The following ATRNL1 variants were observed in gnomAD, a reference collection of about 807,000 sequenced individuals.
ATRNL1 encodes attractin-like protein 1.
A neutral mutation model predicts 182.7 loss-of-function variants in ATRNL1; 95 were observed. That is an observed-to-expected ratio of 0.52 (90% CI 0.44 to 0.62). The LOEUF (loss-of-function observed/expected upper bound fraction) is 0.62, where lower values mean the gene tolerates loss of function less well. Among genes scored for constraint, ATRNL1 ranks in the 20% least tolerant of loss-of-function variants. The pLI is 0.00. For missense variants in ATRNL1, 1,471 were observed against 1,679.5 expected (o/e 0.88, Z 2.17); for synonymous variants, 576 against 568.3 (o/e 1.01, Z -0.19).
At chr10:115,711,486 G>T (rs1295083265) in intron 26 of ATRNL1, among the ~76,000 whole-genome samples, 2 of 152,126 alleles carry the variant, frequency 1.3e-5, no homozygotes, top group Non-Finnish European at 1.5e-5. Flanking sequence ...TCAAAATTAG[G>T]AATGGCAAAA....
chr10:115,894,277 C>T (rs1027399854), intron 28 of ATRNL1, among the ~76,000 whole-genome samples: 11 of 152,170 alleles, frequency 7.2e-5, no homozygotes, highest in Non-Finnish European at 1.5e-4. Flanking sequence ...TGACTGCAGC[C>T]GAATTTCGGC....
At chr10:115,743,238 T>TAAA (rs67671102) in intron 27 of ATRNL1, among the ~76,000 whole-genome samples, 4,537 of 115,946 alleles carry the variant, frequency 0.039, 379 homozygotes, top group African/African-American at 0.13. Flanking sequence ...TCTCTTATAG[T>TAAA]AAAAAAAAAA....
At chr10:115,721,836 T>C (rs1555057841) in intron 26 of ATRNL1, among the ~76,000 whole-genome samples, 1 of 152,234 alleles carries the variant, frequency 6.6e-6, no homozygotes, top group East Asian at 1.9e-4. Flanking sequence ...GTTTTTCCTT[T>C]GTCTTTCCTC....
At chr10:115,427,107 G>A (rs1845940253) in intron 21 of ATRNL1, among the ~76,000 whole-genome samples, 1 of 152,144 alleles carries the variant, frequency 6.6e-6, no homozygotes, top group African/African-American at 2.4e-5. Context: ...GTGTATGAGA[G>A]TTTCAGTTCT....
chr10:115,571,412 A>G (rs781873941), intron 26 of ATRNL1, among the ~76,000 whole-genome samples: 4 of 152,166 alleles, frequency 2.6e-5, no homozygotes, highest in Admixed American at 6.5e-5. Flanking sequence ...CTATCTATTA[A>G]TACATTCTTT....
chr10:115,262,174 ATT>A (rs5788100), intron 10 of ATRNL1, among the ~76,000 whole-genome samples: 8 of 143,518 alleles, frequency 5.6e-5, no homozygotes, highest in African/African-American at 1.3e-4. Flanking sequence ...GGGGCAGTGG[ATT>A]TTTTTTTTTT....
At position 115,596,692 on chromosome 10, in the gene ATRNL1, G is replaced by A. The variant is rs7918100; in HGVS notation, c.3795+47156G>A. Reference sequence around the variant, plus strand: ...CAGTATTGGAAACCCGTGACAGTGAGAGTAATTGACATTTAACATGATAGA... The same window carrying A: ...CAGTATTGGAAACCCGTGACAGTGAAAGTAATTGACATTTAACATGATAGA... On this transcript the variant is annotated intron_variant, in intron 26 of 28. Coordinates refer to ENST00000355044, the MANE Select transcript of ATRNL1 (RefSeq NM_207303.4). Among the ~76,000 whole-genome samples the A allele has an allele frequency of 1.6e-3, 245 of 152,272 alleles. 1 individual carries two copies. Among genetic ancestry groups the A allele is most frequent in the African/African-American group, 5.6e-3 (234 of 41,556 alleles).
At chr10:115,589,152 T>C (rs1855754170) in intron 26 of ATRNL1, among the ~76,000 whole-genome samples, 1 of 152,160 alleles carries the variant, frequency 6.6e-6, no homozygotes, top group Non-Finnish European at 1.5e-5. Flanking sequence ...ATTTAAGATA[T>C]AATTAGACTT....
intron 24 of ATRNL1, among the ~76,000 whole-genome samples, chr10:115,475,704 A>G (rs946423042): frequency 2.6e-5 from 4 of 151,322 alleles, no homozygotes; most frequent in African/African-American, 9.7e-5. Flanking sequence ...TACCTATTGC[A>G]TTGTAATAAT....
chr10:115,377,409 A>T (rs1301273959), intron 19 of ATRNL1, among the ~76,000 whole-genome samples: 1 of 152,172 alleles, frequency 6.6e-6, no homozygotes, highest in Non-Finnish European at 1.5e-5. Context: ...TAAGTCCATT[A>T]AACCTATTCT....
chr10:115,677,186 G>A (rs1318301566), intron 26 of ATRNL1, among the ~76,000 whole-genome samples: 1 of 152,018 alleles, frequency 6.6e-6, no homozygotes, highest in South Asian at 2.1e-4. Context: ...TAGTCTCATG[G>A]GCTAAAAGCT....
chr10:115,643,042 A>T (rs1300761495), intron 26 of ATRNL1, among the ~76,000 whole-genome samples: 3 of 152,192 alleles, frequency 2.0e-5, no homozygotes, highest in Non-Finnish European at 4.4e-5. Flanking sequence ...TGGCACTCAG[A>T]CAAATTATCC....
intron 26 of ATRNL1, among the ~76,000 whole-genome samples, chr10:115,694,148 T>A (rs1166119852): frequency 4.8e-5 from 7 of 144,358 alleles, no homozygotes; most frequent in African/African-American, 1.8e-4. Flanking sequence ...ATTTTTCACT[T>A]CTACTCCCAC....
At chr10:115,253,643 TA>T (rs1443807556) in intron 10 of ATRNL1, among the ~76,000 whole-genome samples, 6 of 152,078 alleles carry the variant, frequency 3.9e-5, no homozygotes, top group Admixed American at 6.5e-5. Flanking sequence ...TACATGCGCA[TA>T]ATGTGCAGGT....
intron 19 of ATRNL1, among the ~76,000 whole-genome samples, chr10:115,354,206 CTA>C (rs1554942209): frequency 6.8e-6 from 1 of 147,398 alleles, no homozygotes; most frequent in East Asian, 2.1e-4. Context: ...AATTCTTCTT[CTA>C]ATGTTGGACT....
intron 26 of ATRNL1, among the ~76,000 whole-genome samples, chr10:115,614,201 C>G (rs1268334245): frequency 2.0e-5 from 3 of 151,898 alleles, no homozygotes; most frequent in African/African-American, 7.2e-5. Flanking sequence ...TTGCTGTATC[C>G]TGTAGGTTTT....
intron 28 of ATRNL1, among the ~76,000 whole-genome samples, chr10:115,867,984 G>C (rs576875010): frequency 6.6e-6 from 1 of 151,910 alleles, no homozygotes; most frequent in Non-Finnish European, 1.5e-5. Context: ...GGCTGGTCTC[G>C]AACTCCTGGC....
At chr10:115,245,079 A>G (rs1850573047) in intron 10 of ATRNL1, among the ~76,000 whole-genome samples, 1 of 152,224 alleles carries the variant, frequency 6.6e-6, no homozygotes, top group Non-Finnish European at 1.5e-5. Flanking sequence ...TTTAAAAACT[A>G]AATCAGTAAA....
intron 26 of ATRNL1, among the ~76,000 whole-genome samples, chr10:115,706,259 A>C (rs1946894093): frequency 6.6e-6 from 1 of 151,820 alleles, no homozygotes; most frequent in Admixed American, 6.6e-5. Context: ...AACCAGTACT[A>C]TCACATCTTA....
Sources: allele counts gnomAD v4.1 joint callset (sites outside exome capture counted in the v4.1 genomes callset), GRCh38; gene constraint gnomAD v4.1.1; transcripts MANE v1.5; gene names NCBI Gene and HGNC (gene_info 2026-07-23, HGNC 2026-07-21).